The following CD34 variants were observed in gnomAD, a reference collection of about 807,000 sequenced individuals.
CD34 encodes the protein CD34 molecule.
A neutral mutation model predicts 40.1 loss-of-function variants in CD34; 34 were observed. The observed-to-expected ratio is 0.85, with a 90% CI of 0.65 to 1.13. The LOEUF is 1.13. Among genes scored for constraint, CD34 ranks in the 50% most tolerant of loss-of-function variants. CD34 has a pLI of 0.00. For synonymous variants in CD34, 209 were observed against 190.0 expected, an observed-to-expected ratio of 1.10 and a Z score of -0.82; for missense variants, 426 against 466.9, an observed-to-expected ratio of 0.91 and a Z score of 0.81.
Position 207,888,861 on chromosome 1 carries a change from A to G in CD34, c.808-15T>C. The G allele has an allele frequency of 6.2e-7, 1 of 1,613,598 alleles. No homozygotes were observed. Among genetic ancestry groups the G allele is most frequent in the East Asian group, 2.2e-5 (1 of 44,868 alleles). On this transcript the variant is annotated splice_polypyrimidine_tract_variant and intron_variant, in intron 6 of 7. Transcript: ENST00000310833. ...AGGATCCCCAGCTTGAAAAGAAGAC[A>G]AAGAAGATACAGCCTGTCACTTGCC... is the stretch of plus-strand genomic sequence containing the variant.
At position 207,887,387 on chromosome 1, in the gene CD34, C is replaced by T. The variant is rs1390765892; in HGVS notation, c.*351G>A. The T allele has an allele frequency of 4.3e-6, 1 of 230,728 alleles. No individual in the cohort carries two copies. The highest frequency in any genetic ancestry group is 8.4e-6 in the Non-Finnish European group (1 of 119,154). 14.3% of individuals were successfully genotyped at this position (230,728 alleles called of 1,614,324 possible). ...TAGCCTAGAAAAGCTCATCTTTCCC[C>T]TGGGGGTTCCTGTATTGCGGCAGAG... On this transcript the variant is annotated 3_prime_UTR_variant, in exon 8 of 8. Transcript: ENST00000310833.
Position 207,888,569 on chromosome 1 carries a change from A to T in CD34, c.972+113T>A. 5 of 1,015,410 alleles carry T rather than the reference A, an allele frequency of 4.9e-6. No individual in the cohort carries two copies. The South Asian group carries it at 7.4e-5, about 15-fold the overall frequency. 62.9% of individuals were successfully genotyped at this position (1,015,410 alleles called of 1,614,324 possible). ...GTGCACACATGCATATCTTTATGTA[A>T]GCTCACAGAAGGGCTTTTTCTAGTA... On this transcript the variant is annotated intron_variant, in intron 7 of 7. Transcript: ENST00000310833.
At chr1:207,889,039 AAGG>A in intron 6 of CD34, 119 bp downstream of exon 6, 1 of 877,740 alleles carries the variant, frequency 1.1e-6, no homozygotes, top group East Asian at 2.4e-5. Flanking sequence ...CAAGACTAGA[AAGG>A]AGAAGACTCA....
Position 207,889,433 on chromosome 1 carries a change from T to C in CD34, c.754+32A>G, listed in dbSNP as rs781381992. 2.5e-6 allele frequency: 4 copies of C among 1,591,712 alleles called. No homozygotes were observed. In the Admixed American group the frequency reaches 6.9e-5, roughly 27 times the overall value. ...ATTCTCTAACCTCAGCCCTACTCCTTCCCTGTTCCCCCAGGCAGAGGTGCA... is the reference window on the plus strand; with the variant it reads ...ATTCTCTAACCTCAGCCCTACTCCTCCCCTGTTCCCCCAGGCAGAGGTGCA... On this transcript the variant is annotated intron_variant, in intron 5 of 7. Transcript: ENST00000310833.
chr1:207,894,706 G>A (rs901722197), intron 4 of CD34, among the ~76,000 whole-genome samples: 7 of 152,114 alleles, frequency 4.6e-5, no homozygotes, highest in Admixed American at 6.5e-5. Flanking sequence ...TTAGACTCAG[G>A]AAGACACATC....
At position 207,883,885 on chromosome 1, in the gene CD34, C is replaced by G. The variant is rs556846976; in HGVS notation, c.*3853G>C. 1 of 152,274 alleles carries G rather than the reference C, an allele frequency of 6.6e-6. No homozygotes were observed. The highest frequency in any genetic ancestry group is 1.9e-4 in the East Asian group (1 of 5,192). The allele number at this position is 152,274 out of a possible 1,614,324, so 9.4% of individuals were successfully genotyped here. A position where few individuals can be genotyped will look rare whatever the true frequency, so the allele number is the denominator to read the frequency against. ...ATGATCGTTCTTCTTGCTACGGTCT[C>G]CTTCTACTTTCTTATCCCTCAACCT... On this transcript the variant is annotated 3_prime_UTR_variant, in exon 8 of 8. Transcript: ENST00000310833.
At chr1:207,889,895 A>C in intron 4 of CD34, 1 of 1,534,894 alleles carries the variant, frequency 6.5e-7, no homozygotes, top group East Asian at 2.3e-5. Flanking sequence ...TCGTTGAAGC[A>C]TTGCCCATGT....
chr1:207,901,307 G>C (rs923659631), intron 1 of CD34, among the ~76,000 whole-genome samples: 3 of 152,264 alleles, frequency 2.0e-5, no homozygotes, highest in African/African-American at 7.2e-5. Context: ...GGGACCAGAA[G>C]TCCTAGCACT....
chr1:207,888,173 G>C, intron 7 of CD34: 1 of 1,598,492 alleles, frequency 6.3e-7, no homozygotes. Context: ...CAGCTCGGCA[G>C]CCAGCTCCCG....
chr1:207,905,033 T>C (rs1388456542), intron 1 of CD34, among the ~76,000 whole-genome samples: 1 of 152,234 alleles, frequency 6.6e-6, no homozygotes, highest in Non-Finnish European at 1.5e-5. Context: ...GGGTCTAGTG[T>C]TATTTCATCT....
chr1:207,901,716 G>A (rs75659898), intron 1 of CD34, among the ~76,000 whole-genome samples: 2,320 of 152,278 alleles, frequency 0.015, 27 homozygotes, highest in Admixed American at 0.027. Context: ...TTAGTTAGTT[G>A]GCCTGACTTA....
chr1:207,890,720 T>C (rs1291717489), intron 4 of CD34, among the ~76,000 whole-genome samples: 1 of 151,456 alleles, frequency 6.6e-6, no homozygotes, highest in Non-Finnish European at 1.5e-5. Context: ...GCCAGGAGAG[T>C]GTGGTTAGCC....
At chr1:207,905,428 G>C (rs1662355737) in intron 1 of CD34, among the ~76,000 whole-genome samples, 1 of 152,242 alleles carries the variant, frequency 6.6e-6, no homozygotes, top group Non-Finnish European at 1.5e-5. Flanking sequence ...GAGCCACCGT[G>C]CGTGGCCGGC....
At position 207,888,663 on chromosome 1, in the gene CD34, C is replaced by T. The variant is rs1157587136; in HGVS notation, c.972+19G>A. ...CCACTATCTTCCTCATTTCCTTTAC[C>T]CTGGCCCCCAGAACTGACCAGCCTT... is the stretch of plus-strand genomic sequence containing the variant. On this transcript the variant is annotated intron_variant, in intron 7 of 7. Coordinates refer to ENST00000310833, the MANE Select transcript of CD34 (RefSeq NM_001025109.2). 5.6e-6 allele frequency: 9 copies of T among 1,613,152 alleles called. No individual in the cohort carries two copies. Among genetic ancestry groups the T allele is most frequent in the South Asian group, 2.2e-5 (2 of 91,028 alleles).
intron 4 of CD34, among the ~76,000 whole-genome samples, chr1:207,894,552 A>G (rs1662110352): frequency 1.3e-5 from 2 of 152,254 alleles, no homozygotes; most frequent in African/African-American, 4.8e-5. Flanking sequence ...ATATTTTACC[A>G]CAATTAAAAA....
At chr1:207,901,672 T>C (rs1338143888) in intron 1 of CD34, among the ~76,000 whole-genome samples, 2 of 152,238 alleles carry the variant, frequency 1.3e-5, no homozygotes, top group Admixed American at 6.5e-5. Context: ...CACGAAGATA[T>C]GTTTGTCAAG....
intron 1 of CD34, among the ~76,000 whole-genome samples, chr1:207,910,241 A>G (rs1662477956): frequency 6.6e-6 from 1 of 152,170 alleles, no homozygotes; most frequent in Non-Finnish European, 1.5e-5. Context: ...GGGCAGAGGA[A>G]GAAAACTCCA....
chr1:207,887,299 A>ATT lies in CD34; in HGVS notation c.*438_*439insAA. The stretch of plus-strand genomic sequence containing the variant: ...TGCAAAAGGTTACTTTGGTTTCCTC[A>ATT]AAGTAGAGAAAGAAAATACAGGGAA... On this transcript the variant is annotated 3_prime_UTR_variant, in exon 8 of 8. Transcript: ENST00000310833. 5.9e-6 allele frequency: 1 copy of ATT among 168,690 alleles called. No homozygotes were observed. Among genetic ancestry groups the ATT allele is most frequent in the South Asian group, 1.6e-4 (1 of 6,176 alleles). The allele number at this position is 168,690 out of a possible 1,614,324, so 10.4% of individuals were successfully genotyped here. A position where few individuals can be genotyped will look rare whatever the true frequency, so the allele number is the denominator to read the frequency against.
chr1:207,892,587 A>T (rs980820178), intron 4 of CD34, among the ~76,000 whole-genome samples: 3 of 147,872 alleles, frequency 2.0e-5, no homozygotes, highest in Admixed American at 6.8e-5. Flanking sequence ...CTCTGTCTCA[A>T]AAAAAAAAAA....
Sources: gnomAD v4.1 joint callset for allele counts (sites outside exome capture counted in the v4.1 genomes callset) on GRCh38, gnomAD v4.1.1 for gene constraint, MANE v1.5 for transcripts, NCBI Gene and HGNC (gene_info 2026-07-23, HGNC 2026-07-21) for gene names.